Variants in SYNE1 observed in about 807,000 individuals in gnomAD.
The protein encoded by SYNE1 is nesprin-1.
SYNE1 carries 616 observed loss-of-function variants against 1,111.0 expected under a neutral mutation model. The observed-to-expected ratio is 0.55, with a 90% CI of 0.52 to 0.59. SYNE1 has a LOEUF of 0.59. SYNE1 is among the 20% of genes least tolerant of loss of function. The pLI is 0.00. For synonymous variants in SYNE1, 3,855 were observed against 3,825.8 expected (o/e 1.01, Z -0.28); for missense variants, 10,006 against 10,417.0 (o/e 0.96, Z 1.72).
intron 125 of SYNE1, among the ~76,000 whole-genome samples, chr6:152,207,034 T>C (rs2076643895): frequency 6.6e-6 from 1 of 152,124 alleles, no homozygotes; most frequent in African/African-American, 2.4e-5. Context: ...GAAGGATGTG[T>C]GTTGGATATA....
rs1344277701 is a variant in SYNE1 at position 152,239,537 on chromosome 6, AG to A, written c.20062del (p.Leu6688Ter). 1 of 1,614,190 alleles carries A rather than the reference AG, an allele frequency of 6.2e-7. No individual in the cohort carries two copies. The highest frequency in any genetic ancestry group is 1.7e-5 in the Admixed American group (1 of 60,026). On this transcript the variant is annotated frameshift_variant, in exon 108 of 146. Coordinates refer to ENST00000367255, the MANE Select transcript of SYNE1 (RefSeq NM_182961.4). LOFTEE classifies it high-confidence loss of function. ...ATATGACATCAATGGTCTCACCTCT[AG>A]AATGTACTCCAGCTCCACACCCCTC... Reference protein sequence around the residue: ...HKRGVELEYILETWSHLDEDQ... With the variant: ...HKRGVELEYIXETWSHLDEDQ...
intron 6 of SYNE1, among the ~76,000 whole-genome samples, chr6:152,519,745 T>C (rs998992355): frequency 1.3e-5 from 2 of 152,140 alleles, no homozygotes; most frequent in Admixed American, 6.6e-5. Flanking sequence ...GTCTCAATTA[T>C]CTCTCCTAAG....
chr6:152,529,096 T>A lies in SYNE1; in HGVS notation c.130-2921A>T, dbSNP rs115603826. ...CAGGTAGGAGTCCACAGAATAGCAC[T>A]CAGCACACTTAGATGTTTAACAATA... is the stretch of plus-strand genomic sequence containing the variant. On this transcript the variant is annotated intron_variant, in intron 4 of 145. Coordinates refer to ENST00000367255, the MANE Select transcript of SYNE1 (RefSeq NM_182961.4). Among the ~76,000 whole-genome samples the A allele has an allele frequency of 2.3e-3, 353 of 152,286 alleles. 3 individuals carry two copies. The highest frequency in any genetic ancestry group is 8.2e-3 in the African/African-American group (342 of 41,558).
At position 152,442,106 on chromosome 6, in the gene SYNE1, C is replaced by T. The variant is rs371842938; in HGVS notation, c.3977G>A (p.Arg1326His). 46 of 1,613,946 alleles carry T rather than the reference C, an allele frequency of 2.9e-5. No homozygotes were observed. In the East Asian group the frequency reaches 8.9e-4, roughly 31 times the overall value. The change falls in exon 31 of 146, where the codon CGC (arginine) becomes CAC (histidine). Residue 1326 changes from arginine to histidine, a missense_variant. By Grantham distance (29) the Arg-to-His change is conservative. Coordinates refer to ENST00000367255, the MANE Select transcript of SYNE1 (RefSeq NM_182961.4). Reference sequence around the variant, plus strand: ...GCGGCGTTCCTGCCTCTCCCGGCTGCGCTCCAGGCCATCCAGTGTGCTCTC... The same window carrying T: ...GCGGCGTTCCTGCCTCTCCCGGCTGTGCTCCAGGCCATCCAGTGTGCTCTC... ...KLESTLDGLE[R>H]SRERQERRIQ...
chr6:152,240,061 C>T (rs1203599539), intron 107 of SYNE1, among the ~76,000 whole-genome samples: 11 of 152,076 alleles, frequency 7.2e-5, no homozygotes, highest in Non-Finnish European at 1.3e-4. Context: ...ACCAACCCAG[C>T]GCTGGAGCTG....
chr6:152,558,075 G>T (rs2099377747), intron 3 of SYNE1, among the ~76,000 whole-genome samples: 1 of 152,104 alleles, frequency 6.6e-6, no homozygotes, highest in Admixed American at 6.5e-5. Context: ...GGGGAGAGGA[G>T]AAGTTAAAGT....
At chr6:152,368,060 G>A (rs9371592) in intron 61 of SYNE1, 70,561 of 154,510 alleles carry the variant, frequency 0.46, 17,100 homozygotes, top group Non-Finnish European at 0.54. Flanking sequence ...AAAAATGGGT[G>A]TAAACATAGA....
chr6:152,381,305 C>G lies in SYNE1; in HGVS notation c.8710G>C (p.Ala2904Pro). 6.2e-7 allele frequency: 1 copy of G among 1,614,156 alleles called. No homozygotes were observed. Among genetic ancestry groups the G allele is most frequent in the South Asian group, 1.1e-5 (1 of 91,082 alleles). The change falls in exon 56 of 146, where the codon GCT becomes CCT. Residue 2904 changes from alanine (A) to proline (P), a missense_variant. Coordinates refer to ENST00000367255, the MANE Select transcript of SYNE1 (RefSeq NM_182961.4). ...GTTGTGTTCTGTTTCACTTCGGGAG[C>G]CAGCGACTCCACTCTGCTGAGACGG... Reference protein sequence around the residue: ...ASRLSRVESLAPEVKQNTTAS... With the variant: ...ASRLSRVESLPPEVKQNTTAS...
At chr6:152,278,020 C>A (rs759082846) in intron 98 of SYNE1, 69 bp downstream of exon 98, 10 of 1,574,124 alleles carry the variant, frequency 6.4e-6, no homozygotes, top group Non-Finnish European at 8.7e-6. Context: ...CTTTACCTGG[C>A]AAACCTTAGA....
At chr6:152,302,170 G>A (rs1177223158) in intron 91 of SYNE1, 107 bp from the exon 92 acceptor site, 6 of 1,488,406 alleles carry the variant, frequency 4.0e-6, no homozygotes, top group Admixed American at 1.7e-5. Flanking sequence ...GCAGAGCCGC[G>A]CGGGCCCGGG....
chr6:152,323,244 A>T (rs986131514), intron 82 of SYNE1, among the ~76,000 whole-genome samples: 2 of 152,176 alleles, frequency 1.3e-5, no homozygotes, highest in African/African-American at 4.8e-5. Context: ...AGGTCAGGAG[A>T]TCAAGACCAC....
At chr6:152,530,107 C>T (rs756110177) in intron 4 of SYNE1, among the ~76,000 whole-genome samples, 1 of 152,146 alleles carries the variant, frequency 6.6e-6, no homozygotes, top group Admixed American at 6.5e-5. Context: ...AGATTATCTC[C>T]CAGAAGCCAG....
At chr6:152,610,281 C>A (rs893024992) in intron 3 of SYNE1, among the ~76,000 whole-genome samples, 1 of 152,090 alleles carries the variant, frequency 6.6e-6, no homozygotes, top group Admixed American at 6.5e-5. Context: ...CTAGAATAAA[C>A]AGTGTAGAGA....
chr6:152,293,923 T>G (rs369843177), intron 94 of SYNE1, 37 bp downstream of exon 94: 6 of 1,613,368 alleles, frequency 3.7e-6, no homozygotes, highest in African/African-American at 2.7e-5. Flanking sequence ...GTTACTGGTG[T>G]CTGGTGGGCA....
At chr6:152,329,513 C>A (rs916497995) in intron 78 of SYNE1, among the ~76,000 whole-genome samples, 1 of 152,106 alleles carries the variant, frequency 6.6e-6, no homozygotes, top group East Asian at 1.9e-4. Context: ...GGCAACAGAG[C>A]GAGACTTCGT....
intron 45 of SYNE1, 34 bp downstream of exon 45, chr6:152,406,980 C>T: frequency 1.9e-6 from 3 of 1,591,164 alleles, no homozygotes; most frequent in Non-Finnish European, 2.6e-6. Flanking sequence ...AACAATATGC[C>T]ACCAGCTGCC....
chr6:152,218,283 T>C lies in SYNE1; in HGVS notation c.22165A>G (p.Ile7389Val). 1.2e-6 allele frequency: 2 copies of C among 1,614,124 alleles called. No individual in the cohort carries two copies. Among genetic ancestry groups the C allele is most frequent in the African/African-American group, 1.3e-5 (1 of 75,036 alleles). ...TTAAGTTCTTCCATCCTTTCCTGGATTGTGGAGAGGTCAGATGAGTGGCTA... is the reference window on the plus strand; with the variant it reads ...TTAAGTTCTTCCATCCTTTCCTGGACTGTGGAGAGGTCAGATGAGTGGCTA... ...DPSHSSDLST[I>V]QERMEELKGQ... Residue 7389 changes from isoleucine (I) to valine (V), a missense_variant, in exon 121 of 146, where the codon ATC (isoleucine) becomes GTC (valine). By Grantham distance (29) the Ile-to-Val change is conservative. Coordinates refer to ENST00000367255, the MANE Select transcript of SYNE1 (RefSeq NM_182961.4).
At chr6:152,397,488 G>A (rs2097754219) in intron 49 of SYNE1, among the ~76,000 whole-genome samples, 1 of 152,142 alleles carries the variant, frequency 6.6e-6, no homozygotes, top group African/African-American at 2.4e-5. Flanking sequence ...GCTCTAGAGT[G>A]GTATGTCACC....
chr6:152,322,144 G>T (rs1306110846), intron 82 of SYNE1, among the ~76,000 whole-genome samples: 1 of 152,054 alleles, frequency 6.6e-6, no homozygotes, highest in African/African-American at 2.4e-5. Flanking sequence ...ATTTAAAGTA[G>T]CCTGGAGATT....
Sources: gnomAD v4.1 joint callset for allele counts (sites outside exome capture counted in the v4.1 genomes callset) on GRCh38, gnomAD v4.1.1 for gene constraint, MANE v1.5 for transcripts, NCBI Gene and HGNC (gene_info 2026-07-23, HGNC 2026-07-21) for gene names.